Variants in FHIT observed in about 807,000 individuals in gnomAD.
FHIT encodes the protein fragile histidine triad diadenosine triphosphatase.
A neutral mutation model predicts 17.9 loss-of-function variants in FHIT; 19 were observed. That is an observed-to-expected ratio of 1.06 (90% CI 0.74 to 1.56). The LOEUF (loss-of-function observed/expected upper bound fraction) is 1.56. Ranked by LOEUF, FHIT falls within the 40% of genes most tolerant of loss-of-function variation. FHIT has a pLI of 0.00. For missense variants in FHIT, 248 were observed against 189.2 expected (o/e 1.31, Z -1.82); for synonymous variants, 81 against 69.7 (o/e 1.16, Z -0.81).
chr3:60,173,915 A>ATATTTTTTTTT, intron 5 of FHIT, among the ~76,000 whole-genome samples: 6 of 66,442 alleles, frequency 9.0e-5, no homozygotes, highest in African/African-American at 1.3e-4. Flanking sequence ...ATATATATAT[A>ATATTTTTTTTT]TGTTTTTTTT....
At chr3:61,104,052 T>C (rs1559984833) in intron 2 of FHIT, among the ~76,000 whole-genome samples, 1 of 152,168 alleles carries the variant, frequency 6.6e-6, no homozygotes. Flanking sequence ...AATTGGGGCA[T>C]TTAGTCCATT....
chr3:60,266,187 G>A (rs1706568922), intron 5 of FHIT, among the ~76,000 whole-genome samples: 1 of 151,850 alleles, frequency 6.6e-6, no homozygotes, highest in African/African-American at 2.4e-5. Context: ...AAATAATGTG[G>A]TACACGCATA....
chr3:61,084,974 T>C (rs950522317), intron 2 of FHIT, among the ~76,000 whole-genome samples: 1 of 152,210 alleles, frequency 6.6e-6, no homozygotes, highest in Admixed American at 6.5e-5. Context: ...TTATTTCAGG[T>C]ATGGGCTGTT....
At chr3:60,870,209 A>T (rs1284202600) in intron 3 of FHIT, among the ~76,000 whole-genome samples, 4 of 151,994 alleles carry the variant, frequency 2.6e-5, no homozygotes, top group African/African-American at 9.7e-5. Flanking sequence ...GAAAACTAAT[A>T]TTGCTCTGTT....
At chr3:60,275,439 A>G (rs917799585) in intron 5 of FHIT, among the ~76,000 whole-genome samples, 2 of 152,124 alleles carry the variant, frequency 1.3e-5, no homozygotes, top group African/African-American at 4.8e-5. Context: ...TGCTCTCCTA[A>G]TTTATCCATT....
At chr3:60,410,285 G>A (rs1413223404) in intron 5 of FHIT, among the ~76,000 whole-genome samples, 1 of 152,154 alleles carries the variant, frequency 6.6e-6, no homozygotes, top group African/African-American at 2.4e-5. Context: ...GGCAGGTAAT[G>A]TATGGATAAT....
At chr3:59,778,810 C>G (rs1246890670) in intron 8 of FHIT, among the ~76,000 whole-genome samples, 1 of 152,140 alleles carries the variant, frequency 6.6e-6, no homozygotes, top group African/African-American at 2.4e-5. Flanking sequence ...TTATTATTTA[C>G]CTTAAGTTTT....
chr3:61,216,164 G>A (rs531001507), intron 1 of FHIT, among the ~76,000 whole-genome samples: 4 of 152,282 alleles, frequency 2.6e-5, no homozygotes, highest in South Asian at 2.1e-4. Flanking sequence ...AAACTCAAGA[G>A]CTTCTGCACA....
intron 5 of FHIT, among the ~76,000 whole-genome samples, chr3:60,297,741 C>G (rs964872219): frequency 5.3e-5 from 8 of 152,068 alleles, no homozygotes; most frequent in Non-Finnish European, 1.5e-5. Flanking sequence ...ACACACTACT[C>G]AACACTTCTC....
chr3:60,914,823 C>T (rs1248476680), intron 3 of FHIT, among the ~76,000 whole-genome samples: 2 of 152,172 alleles, frequency 1.3e-5, no homozygotes, highest in African/African-American at 2.4e-5. Flanking sequence ...AACAAACAAA[C>T]AGAAATGTAG....
At chr3:61,138,020 ACT>A (rs569206819) in intron 2 of FHIT, among the ~76,000 whole-genome samples, 5 of 152,182 alleles carry the variant, frequency 3.3e-5, no homozygotes, top group African/African-American at 4.8e-5. Context: ...CCATTAACCA[ACT>A]ATATGACCTT....
intron 8 of FHIT, among the ~76,000 whole-genome samples, chr3:59,781,529 G>T (rs372395103): frequency 3.9e-5 from 6 of 152,236 alleles, no homozygotes; most frequent in East Asian, 3.9e-4. Flanking sequence ...ATTTTGGATG[G>T]TCCCTAAATG....
chr3:61,139,524 C>T (rs1044954208), intron 2 of FHIT, among the ~76,000 whole-genome samples: 10 of 151,150 alleles, frequency 6.6e-5, no homozygotes, highest in Non-Finnish European at 1.5e-4. Flanking sequence ...AAATAGTCTG[C>T]CTTTGAATTT....
chr3:61,016,287 T>C (rs1208911236), intron 3 of FHIT, among the ~76,000 whole-genome samples: 1 of 152,174 alleles, frequency 6.6e-6, no homozygotes, highest in African/African-American at 2.4e-5. Flanking sequence ...ACGTGATTAA[T>C]GGAACATAGA....
intron 5 of FHIT, among the ~76,000 whole-genome samples, chr3:60,533,232 A>G (rs1426845559): frequency 3.3e-5 from 5 of 152,168 alleles, no homozygotes; most frequent in Non-Finnish European, 7.4e-5. Flanking sequence ...TCTGGAAAAA[A>G]GTGGTGACAA....
chr3:61,172,917 A>G (rs1161800674), intron 2 of FHIT, among the ~76,000 whole-genome samples: 1 of 152,166 alleles, frequency 6.6e-6, no homozygotes, highest in East Asian at 1.9e-4. Flanking sequence ...CAGCAGGGGC[A>G]GGCAGGTATC....
intron 5 of FHIT, among the ~76,000 whole-genome samples, chr3:60,062,692 C>T (rs1220221383): frequency 1.3e-5 from 2 of 152,248 alleles, no homozygotes; most frequent in East Asian, 1.9e-4. Context: ...AACAGAAACG[C>T]TGTTTGAGAA....
chr3:60,317,321 C>A (rs1709207642), intron 5 of FHIT, among the ~76,000 whole-genome samples: 2 of 151,748 alleles, frequency 1.3e-5, no homozygotes, highest in South Asian at 4.2e-4. Context: ...TCATCCTGGA[C>A]TGACAATTGT....
intron 4 of FHIT, among the ~76,000 whole-genome samples, chr3:60,586,015 G>A (rs1448015356): frequency 6.6e-6 from 1 of 151,874 alleles, no homozygotes; most frequent in East Asian, 1.9e-4. Flanking sequence ...TTCTCATGGA[G>A]AATCTCATTG....
Sources: allele counts gnomAD v4.1 joint callset (sites outside exome capture counted in the v4.1 genomes callset), GRCh38; gene constraint gnomAD v4.1.1; transcripts MANE v1.5; gene names NCBI Gene and HGNC (gene_info 2026-07-23, HGNC 2026-07-21).